PUM2: variants seen among roughly 807,000 people sequenced by gnomAD.
The protein encoded by PUM2 is pumilio homolog 2.
A neutral mutation model predicts 124.5 loss-of-function variants in PUM2; 57 were observed. That is an observed-to-expected ratio of 0.46 (90% CI 0.37 to 0.57). The LOEUF is 0.57. Ranked by LOEUF, PUM2 falls within the 20% of genes least tolerant of loss-of-function variation. PUM2 has a pLI of 0.00. For missense variants in PUM2, 1,065 were observed against 1,290.6 expected (o/e 0.83, Z 2.68); for synonymous variants, 460 against 446.1 (o/e 1.03, Z -0.39).
intron 7 of PUM2, among the ~76,000 whole-genome samples, chr2:20,300,046 T>A (rs1676583053): frequency 6.6e-6 from 1 of 152,214 alleles, no homozygotes. Flanking sequence ...TAGACTCTGT[T>A]CCTTAACAGA....
chr2:20,345,914 A>G (rs936149675), intron 1 of PUM2, among the ~76,000 whole-genome samples: 1 of 152,170 alleles, frequency 6.6e-6, no homozygotes, highest in African/African-American at 2.4e-5. Flanking sequence ...GAAAAGACAC[A>G]ATTTTAATAT....
intron 13 of PUM2, among the ~76,000 whole-genome samples, chr2:20,272,202 T>C (rs1455744313): frequency 6.6e-6 from 1 of 152,030 alleles, no homozygotes; most frequent in Non-Finnish European, 1.5e-5. Context: ...AATAAATAAA[T>C]AAATAGAAAA....
intron 7 of PUM2, 129 bp from the exon 8 acceptor site, chr2:20,297,807 A>C: frequency 1.1e-6 from 1 of 882,100 alleles, no homozygotes; most frequent in Non-Finnish European, 1.7e-6. Context: ...TAATGGTTCA[A>C]ATTTTTACTA....
intron 19 of PUM2, 106 bp from the exon 20 acceptor site, chr2:20,254,120 C>A (rs1482603289): frequency 8.5e-6 from 8 of 942,362 alleles, no homozygotes; most frequent in Non-Finnish European, 1.1e-5. Context: ...AAACAGAAGT[C>A]AGGATGGGAT....
intron 13 of PUM2, among the ~76,000 whole-genome samples, chr2:20,267,483 AT>A (rs1426271973): frequency 1.3e-5 from 2 of 152,202 alleles, no homozygotes; most frequent in African/African-American, 4.8e-5. Context: ...GTCTCAAATT[AT>A]CCCAGAATTG....
chr2:20,342,595 T>C (rs747904783), intron 1 of PUM2, among the ~76,000 whole-genome samples: 3 of 152,244 alleles, frequency 2.0e-5, no homozygotes, highest in Non-Finnish European at 4.4e-5. Flanking sequence ...CTCATAAGAC[T>C]GGGTAGAATA....
chr2:20,316,280 T>C (rs1436806594), intron 3 of PUM2, among the ~76,000 whole-genome samples: 2 of 152,162 alleles, frequency 1.3e-5, no homozygotes, highest in Non-Finnish European at 2.9e-5. Flanking sequence ...CCTAACCTTT[T>C]AGATTTTAGC....
At chr2:20,328,611 G>A (rs1179796072) in intron 1 of PUM2, among the ~76,000 whole-genome samples, 1 of 152,040 alleles carries the variant, frequency 6.6e-6, no homozygotes, top group Non-Finnish European at 1.5e-5. Context: ...ATGAACAAAT[G>A]CAAAATTTCA....
chr2:20,307,193 G>A (rs759794520), intron 7 of PUM2, among the ~76,000 whole-genome samples: 7 of 152,062 alleles, frequency 4.6e-5, no homozygotes, highest in Non-Finnish European at 8.8e-5. Flanking sequence ...TCCAGCCTGG[G>A]TGAGAGTGAG....
chr2:20,294,306 A>C, intron 9 of PUM2, 70 bp downstream of exon 9: 4 of 1,546,782 alleles, frequency 2.6e-6, no homozygotes, highest in Non-Finnish European at 3.5e-6. Context: ...GAAAAACACA[A>C]ATCTTAAACA....
chr2:20,299,339 T>C (rs2148361557), intron 7 of PUM2, among the ~76,000 whole-genome samples: 1 of 152,076 alleles, frequency 6.6e-6, no homozygotes, highest in African/African-American at 2.4e-5. Flanking sequence ...ACAGAAGTAG[T>C]CTGTGTTGTC....
intron 1 of PUM2, among the ~76,000 whole-genome samples, chr2:20,345,798 G>A (rs1009903401): frequency 3.9e-5 from 6 of 152,158 alleles, no homozygotes; most frequent in African/African-American, 1.4e-4. Flanking sequence ...GTTGAACCTG[G>A]GAGGCGGAGG....
chr2:20,258,650 C>CTTTTTTTTT (rs1057217780), intron 15 of PUM2, among the ~76,000 whole-genome samples: 52 of 93,852 alleles, frequency 5.5e-4, no homozygotes, highest in East Asian at 1.4e-3. Context: ...AACCCTTCAT[C>CTTTTTTTTT]TTTTTTTTTT....
Position 20,263,435 on chromosome 2 carries a change from T to G in PUM2, c.1983A>C (p.Arg661=). Residue 661 remains arginine, a synonymous_variant, in exon 14 of 21, where the codon CGA becomes CGC. Coordinates refer to ENST00000361078, the MANE Select transcript of PUM2 (RefSeq NM_015317.5). The stretch of plus-strand genomic sequence containing the variant: ...CTGCTCCAGGTGCTGCAGAGATATA[T>G]CGACCACTACCATTTGTCAGTCCTC... ...HLGGLTNGSG[R]YISAAPGAEA... The G allele has an allele frequency of 6.2e-7, 1 of 1,613,340 alleles. No homozygotes were observed. The highest frequency in any genetic ancestry group is 8.5e-7 in the Non-Finnish European group (1 of 1,179,268).
At chr2:20,320,050 G>A (rs184892778) in intron 2 of PUM2, among the ~76,000 whole-genome samples, 20 of 152,186 alleles carry the variant, frequency 1.3e-4, no homozygotes, top group Non-Finnish European at 2.6e-4. Context: ...GGTGGATCAC[G>A]AGGTCAGGAG....
chr2:20,299,970 A>C (rs969854401), intron 7 of PUM2, among the ~76,000 whole-genome samples: 1 of 152,220 alleles, frequency 6.6e-6, no homozygotes, highest in African/African-American at 2.4e-5. Flanking sequence ...GGTTGTGATA[A>C]GAGGTTGTGG....
At position 20,283,862 on chromosome 2, in the gene PUM2, G is replaced by A. The variant is rs1473091351; in HGVS notation, c.1292-376C>T. On this transcript the variant is annotated intron_variant, in intron 10 of 20. Transcript: ENST00000361078. The stretch of plus-strand genomic sequence containing the variant: ...AGCGAGGTAGAACACTGTACGAAAT[G>A]TTTACTGTGCAATTTCATTGAAGTT... 2.0e-5 allele frequency among the ~76,000 whole-genome samples: 3 copies of A among 152,142 alleles called. 1 individual carries two copies. Among genetic ancestry groups the A allele is most frequent in the Non-Finnish European group, 2.9e-5 (2 of 68,028 alleles).
chr2:20,285,332 G>A (rs1034194023), intron 10 of PUM2, among the ~76,000 whole-genome samples: 1 of 152,174 alleles, frequency 6.6e-6, no homozygotes, highest in African/African-American at 2.4e-5. Flanking sequence ...CACAGAGACT[G>A]TGGTCTGAGA....
chr2:20,343,510 G>C (rs1687627280), intron 1 of PUM2, among the ~76,000 whole-genome samples: 1 of 152,298 alleles, frequency 6.6e-6, no homozygotes, highest in South Asian at 2.1e-4. Context: ...AGTTGTGCTA[G>C]TAATTGTACA....
Sources: allele counts gnomAD v4.1 joint callset (sites outside exome capture counted in the v4.1 genomes callset), GRCh38; gene constraint gnomAD v4.1.1; transcripts MANE v1.5; gene names NCBI Gene and HGNC (gene_info 2026-07-23, HGNC 2026-07-21).